SHB: variants seen among roughly 807,000 people sequenced by gnomAD.
SHB encodes SH2 domain containing adaptor protein B.
SHB carries 20 observed loss-of-function variants against 52.3 expected under a neutral mutation model. The observed-to-expected ratio is 0.38, with a 90% CI of 0.27 to 0.56. The LOEUF (loss-of-function observed/expected upper bound fraction) is 0.56, where lower values mean the gene tolerates loss of function less well. SHB is among the 20% of genes least tolerant of loss of function. The pLI is 0.71. For synonymous variants in SHB, 397 were observed against 316.5 expected, an observed-to-expected ratio of 1.25 and a Z score of -2.70; for missense variants, 825 against 723.3, an observed-to-expected ratio of 1.14 and a Z score of -1.61.
intron 1 of SHB, among the ~76,000 whole-genome samples, chr9:38,037,678 A>G (rs755582424): frequency 6.6e-6 from 1 of 152,152 alleles, no homozygotes; most frequent in Non-Finnish European, 1.5e-5. Flanking sequence ...GCCCCCATGT[A>G]CCATTCTGAG....
intron 2 of SHB, among the ~76,000 whole-genome samples, chr9:37,991,392 T>C (rs1820880224): frequency 6.6e-6 from 1 of 152,360 alleles, no homozygotes; most frequent in African/African-American, 2.4e-5. Context: ...TCCAGTGAAA[T>C]GGGCTTCTGC....
intron 1 of SHB, among the ~76,000 whole-genome samples, chr9:38,048,095 T>TC (rs1821682341): frequency 6.6e-6 from 1 of 152,234 alleles, no homozygotes; most frequent in Non-Finnish European, 1.5e-5. Context: ...GAGCCTGTGC[T>TC]CCCTTACCTC....
At chr9:37,980,107 C>A (rs111979220) in intron 2 of SHB, among the ~76,000 whole-genome samples, 2,418 of 152,260 alleles carry the variant, frequency 0.016, 32 homozygotes, top group Non-Finnish European at 0.026. Context: ...CCCCTCCCCC[C>A]AGCTGTGGGA....
intron 4 of SHB, among the ~76,000 whole-genome samples, chr9:37,949,962 G>A (rs115823723): frequency 0.025 from 3,737 of 152,104 alleles, 82 homozygotes; most frequent in East Asian, 0.088. Context: ...TTTGAGACAG[G>A]GTCTCACCCC....
chr9:37,969,583 G>C (rs1356588837), intron 3 of SHB, among the ~76,000 whole-genome samples: 2 of 152,134 alleles, frequency 1.3e-5, no homozygotes, highest in Non-Finnish European at 2.9e-5. Context: ...CCTCACACTG[G>C]TCCTTCAGAG....
intron 3 of SHB, among the ~76,000 whole-genome samples, chr9:37,963,530 AG>A (rs759957262): frequency 3.3e-5 from 5 of 152,168 alleles, no homozygotes; most frequent in African/African-American, 1.2e-4. Flanking sequence ...GAATGTACAG[AG>A]GCAGAGTCAA....
intron 1 of SHB, among the ~76,000 whole-genome samples, chr9:38,038,554 G>A (rs568729500): frequency 6.6e-6 from 1 of 152,180 alleles, no homozygotes; most frequent in African/African-American, 2.4e-5. Context: ...ATGAATAAAT[G>A]TATTTTACAA....
rs911047579 is a variant in SHB, at chr9:37,918,759, G to A, written c.*1062C>T. 6.6e-6 allele frequency among the ~76,000 whole-genome samples: 1 copy of A among 152,238 alleles called. No individual in the cohort carries two copies. Among genetic ancestry groups the A allele is most frequent in the Non-Finnish European group, 1.5e-5 (1 of 68,040 alleles). On this transcript the variant is annotated 3_prime_UTR_variant, in exon 6 of 6. Transcript: ENST00000377707. Reference sequence around the variant, plus strand: ...AGGTGGTGCTAACAGATAGTGGGGAGAGAGCCCTTTGTAGCCAGCTGGGTG... The same window carrying A: ...AGGTGGTGCTAACAGATAGTGGGGAAAGAGCCCTTTGTAGCCAGCTGGGTG...
chr9:37,938,810 T>C (rs1380971981), intron 5 of SHB, among the ~76,000 whole-genome samples: 2 of 151,884 alleles, frequency 1.3e-5, no homozygotes, highest in Non-Finnish European at 2.9e-5. Flanking sequence ...CACTGCCGGG[T>C]TGGGGGGTGG....
intron 1 of SHB, among the ~76,000 whole-genome samples, chr9:38,041,569 C>G (rs539648931): frequency 7.3e-5 from 11 of 150,030 alleles, no homozygotes; most frequent in Middle Eastern, 3.4e-3. Context: ...TATAAAACTT[C>G]GGTGAGTTCG....
chr9:37,946,503 G>A (rs1832493026), intron 5 of SHB, among the ~76,000 whole-genome samples: 1 of 152,180 alleles, frequency 6.6e-6, no homozygotes, highest in Non-Finnish European at 1.5e-5. Context: ...CCTCAGCCCT[G>A]GCACATCCTG....
chr9:38,050,876 T>C (rs935766906), intron 1 of SHB, among the ~76,000 whole-genome samples: 1 of 152,070 alleles, frequency 6.6e-6, no homozygotes, highest in South Asian at 2.1e-4. Flanking sequence ...AAGAGAGATT[T>C]CTAATTTGGG....
chr9:37,933,609 C>T (rs1266845743), intron 5 of SHB, among the ~76,000 whole-genome samples: 1 of 152,166 alleles, frequency 6.6e-6, no homozygotes, highest in Non-Finnish European at 1.5e-5. Flanking sequence ...CTGTTGTAAA[C>T]TCGCCCTCTA....
intron 3 of SHB, among the ~76,000 whole-genome samples, chr9:37,968,272 G>A (rs767375090): frequency 3.3e-5 from 5 of 152,190 alleles, no homozygotes; most frequent in African/African-American, 4.8e-5. Flanking sequence ...GTGAGAAGTT[G>A]TGACCATCCC....
intron 2 of SHB, among the ~76,000 whole-genome samples, chr9:37,983,272 C>T (rs189351544): frequency 3.0e-3 from 460 of 152,186 alleles, no homozygotes; most frequent in African/African-American, 0.01. Flanking sequence ...GATGTGGCGG[C>T]GAAAATGGGT....
chr9:37,940,403 CAA>C (rs1213082080), intron 5 of SHB, among the ~76,000 whole-genome samples: 2 of 152,234 alleles, frequency 1.3e-5, no homozygotes, highest in African/African-American at 2.4e-5. Context: ...TAGTCCTCTG[CAA>C]AGAGTGTTTG....
chr9:38,048,800 G>C (rs1821695002), intron 1 of SHB, among the ~76,000 whole-genome samples: 1 of 152,138 alleles, frequency 6.6e-6, no homozygotes. Flanking sequence ...TGGATATTTA[G>C]GTAATTTCCA....
chr9:37,921,105 A>G (rs945066041), intron 5 of SHB, among the ~76,000 whole-genome samples: 3 of 152,052 alleles, frequency 2.0e-5, no homozygotes, highest in African/African-American at 4.8e-5. Context: ...CACGCCTTTT[A>G]TGATTCTACT....
At chr9:37,954,388 A>G (rs1309437978) in intron 4 of SHB, among the ~76,000 whole-genome samples, 1 of 152,192 alleles carries the variant, frequency 6.6e-6, no homozygotes, top group African/African-American at 2.4e-5. Context: ...GGGAAGGCTC[A>G]CGAACCATGT....
Sources: allele counts gnomAD v4.1 joint callset (sites outside exome capture counted in the v4.1 genomes callset), GRCh38; gene constraint gnomAD v4.1.1; transcripts MANE v1.5; gene names NCBI Gene and HGNC (gene_info 2026-07-23, HGNC 2026-07-21).